ANKAR: variants seen among roughly 807,000 people sequenced by gnomAD.
ANKAR encodes the protein ankyrin and armadillo repeat-containing protein.
ANKAR carries 136 observed loss-of-function variants against 146.2 expected under a neutral mutation model. That is an observed-to-expected ratio of 0.93 (90% confidence interval 0.81 to 1.07). The LOEUF is 1.07. Ranked by LOEUF, ANKAR falls within the 50% of genes least tolerant of loss-of-function variation. ANKAR has a pLI of 0.00. For missense variants in ANKAR, 1,567 were observed against 1,679.9 expected (o/e 0.93, Z 1.18); for synonymous variants, 500 against 575.8 (o/e 0.87, Z 1.88).
intron 2 of ANKAR, among the ~76,000 whole-genome samples, chr2:189,680,584 A>G (rs1189245497): frequency 6.6e-6 from 1 of 151,790 alleles, no homozygotes; most frequent in Non-Finnish European, 1.5e-5. Context: ...ACTGCTATGA[A>G]CTTTCCTCTT....
intron 7 of ANKAR, among the ~76,000 whole-genome samples, chr2:189,697,614 GAC>G (rs2037410982): frequency 6.6e-6 from 1 of 151,966 alleles, no homozygotes; most frequent in Non-Finnish European, 1.5e-5. Context: ...ATTAAAATAA[GAC>G]ACAATTCAAT....
chr2:189,690,917 G>C (rs2036294670), intron 3 of ANKAR, among the ~76,000 whole-genome samples: 1 of 151,872 alleles, frequency 6.6e-6, no homozygotes. Flanking sequence ...TTGAGATCAG[G>C]GTGTATAGTG....
chr2:189,728,457 A>G (rs779650890), intron 14 of ANKAR, 37 bp downstream of exon 14: 1 of 1,560,834 alleles, frequency 6.4e-7, no homozygotes, highest in Admixed American at 1.9e-5. Context: ...TATTTTTTAG[A>G]GACAGGATCT....
chr2:189,761,444 T>A (rs762987905), downstream of ANKAR: 7 of 1,606,240 alleles, frequency 4.4e-6, no homozygotes, highest in South Asian at 7.9e-5. Context: ...AGTTTGGGAA[T>A]GTATTGCTTC....
intron 18 of ANKAR, among the ~76,000 whole-genome samples, chr2:189,752,457 G>C (rs1168306465): frequency 6.6e-6 from 1 of 152,160 alleles, no homozygotes; most frequent in East Asian, 1.9e-4. Flanking sequence ...AACTTGCCAA[G>C]ATTTTTATAA....
chr2:189,727,249 C>T (rs956277391), intron 12 of ANKAR, among the ~76,000 whole-genome samples: 1 of 152,058 alleles, frequency 6.6e-6, no homozygotes, highest in Non-Finnish European at 1.5e-5. Flanking sequence ...AATGATAATA[C>T]TCATACTCAA....
rs768043156 is a variant in ANKAR, at chr2:189,728,828, A to G, written c.3193+7A>G. The G allele has an allele frequency of 5.0e-6, 8 of 1,603,566 alleles. No individual in the cohort carries two copies. The highest frequency in any genetic ancestry group is 5.1e-6 in the Non-Finnish European group (6 of 1,173,830). On this transcript the variant is annotated splice_region_variant and intron_variant, in intron 15 of 22. Transcript: ENST00000684021. Reference sequence around the variant, plus strand: ...GTGGGATCCATTTGTATTGGTTTGTATACTTATTCTCAATTTCTTAAATAT... The same window carrying G: ...GTGGGATCCATTTGTATTGGTTTGTGTACTTATTCTCAATTTCTTAAATAT...
At chr2:189,683,309 G>T (rs141108302) in intron 2 of ANKAR, among the ~76,000 whole-genome samples, 1 of 152,306 alleles carries the variant, frequency 6.6e-6, no homozygotes, top group African/African-American at 2.4e-5. Context: ...CTCATTAGCC[G>T]AAGTTTGAAT....
intron 19 of ANKAR, 59 bp downstream of exon 19, chr2:189,738,741 T>C (rs914631025): frequency 2.8e-6 from 3 of 1,062,690 alleles, no homozygotes; most frequent in South Asian, 1.5e-5. Context: ...AAACAGTTTA[T>C]TGTAATCTGA....
chr2:189,752,991 G>A, intron 18 of ANKAR: 1 of 1,596,432 alleles, frequency 6.3e-7, no homozygotes, highest in South Asian at 1.1e-5. Context: ...TGAAGGAATT[G>A]AGAAAACCAA....
At chr2:189,755,877 T>G (rs1432761439) in intron 18 of ANKAR, among the ~76,000 whole-genome samples, 1 of 152,180 alleles carries the variant, frequency 6.6e-6, no homozygotes, top group East Asian at 1.9e-4. Flanking sequence ...AGGAAAAAAT[T>G]GTATTTAAGG....
intron 14 of ANKAR, 75 bp downstream of exon 14, chr2:189,728,495 T>G (rs2042095817): frequency 2.0e-6 from 3 of 1,493,414 alleles, no homozygotes; most frequent in Non-Finnish European, 1.8e-6. Context: ...TGGTGTGCAG[T>G]GGCACAATTA....
downstream of ANKAR, chr2:189,750,511 C>A: frequency 1.2e-6 from 1 of 800,266 alleles, no homozygotes; most frequent in African/African-American, 1.8e-5. Context: ...CAATTTGATA[C>A]ACAAAACAAT....
chr2:189,755,300 A>C (rs1286390632), intron 18 of ANKAR: 1 of 1,613,524 alleles, frequency 6.2e-7, no homozygotes, highest in Non-Finnish European at 8.5e-7. Context: ...AGGAAATTCT[A>C]CTTTATTGGT....
chr2:189,737,164 C>T (rs1291636778), intron 17 of ANKAR, among the ~76,000 whole-genome samples: 2 of 150,866 alleles, frequency 1.3e-5, no homozygotes, highest in African/African-American at 4.9e-5. Context: ...AAATAACATA[C>T]TAATAATACA....
chr2:189,726,349 G>A (rs992530135), intron 12 of ANKAR, among the ~76,000 whole-genome samples: 6 of 151,972 alleles, frequency 3.9e-5, no homozygotes, highest in Admixed American at 3.9e-4. Context: ...AGGTTGCTAT[G>A]TTGCCCGGGC....
At chr2:189,752,945 A>G (rs1036359533) in intron 18 of ANKAR, 2 of 1,612,984 alleles carry the variant, frequency 1.2e-6, no homozygotes, top group African/African-American at 2.7e-5. Flanking sequence ...AGCTCTGCGG[A>G]TATAGAAGTT....
chr2:189,678,369 A>G (rs1053113088), intron 2 of ANKAR, among the ~76,000 whole-genome samples: 7 of 151,640 alleles, frequency 4.6e-5, no homozygotes, highest in Non-Finnish European at 8.8e-5. Flanking sequence ...ATTTGCAAAT[A>G]TTTTCTCCTA....
chr2:189,684,829 CAAA>C (rs71023709), intron 2 of ANKAR, among the ~76,000 whole-genome samples: 31 of 107,998 alleles, frequency 2.9e-4, no homozygotes, highest in East Asian at 2.7e-3. Flanking sequence ...GACCCTGTCT[CAAA>C]AAAAAAAAAA....
Sources: gnomAD v4.1 joint callset for allele counts (sites outside exome capture counted in the v4.1 genomes callset) on GRCh38, gnomAD v4.1.1 for gene constraint, MANE v1.5 for transcripts, NCBI Gene and HGNC (gene_info 2026-07-23, HGNC 2026-07-21) for gene names.